The following TIAM1 variants were observed in gnomAD, a reference collection of about 807,000 sequenced individuals.
TIAM1 encodes the protein TIAM Rac1 associated GEF 1, also known as rho guanine nucleotide exchange factor TIAM1.
In TIAM1, 65 loss-of-function variants were observed where a neutral mutation model predicts 163.5. The observed-to-expected ratio is 0.40, with a 90% CI of 0.33 to 0.49. The LOEUF (loss-of-function observed/expected upper bound fraction) is 0.49, where lower values mean the gene tolerates loss of function less well. TIAM1 is among the 20% of genes least tolerant of loss of function. TIAM1 has a pLI of 0.77. For synonymous variants in TIAM1, 833 were observed against 810.1 expected, an observed-to-expected ratio of 1.03 and a Z score of -0.48; for missense variants, 1,789 against 2,044.7, an observed-to-expected ratio of 0.87 and a Z score of 2.41.
intron 13 of TIAM1, among the ~76,000 whole-genome samples, chr21:31,188,603 C>CTTGG (rs1348540079): frequency 6.6e-6 from 1 of 152,190 alleles, no homozygotes; most frequent in East Asian, 1.9e-4. Context: ...GAGACAGGGT[C>CTTGG]TTGCTCTGTC....
intron 2 of TIAM1, among the ~76,000 whole-genome samples, chr21:31,336,239 G>C (rs867153746): frequency 1.3e-5 from 2 of 152,210 alleles, no homozygotes; most frequent in South Asian, 2.1e-4. Context: ...GACAAAAGAT[G>C]CTTGACATGT....
Position 31,283,537 on chromosome 21 carries a change from T to A in TIAM1, c.-188-6629A>T, listed in dbSNP as rs189677980. Among the ~76,000 whole-genome samples the A allele has an allele frequency of 5.6e-3, 842 of 151,260 alleles. 4 individuals are homozygous for A. Among genetic ancestry groups the A allele is most frequent in the African/African-American group, 0.019 (785 of 40,752 alleles). On this transcript the variant is annotated intron_variant, in intron 2 of 27. Coordinates refer to ENST00000541036, the MANE Select transcript of TIAM1 (RefSeq NM_001353694.2). Reference sequence around the variant, plus strand: ...TTTCTTTCTTTCTTTTCTTTCCCTTTTTTATTTATTTATTTATTTATTTTT... The same window carrying A: ...TTTCTTTCTTTCTTTTCTTTCCCTTATTTATTTATTTATTTATTTATTTTT...
chr21:31,478,717 T>G (rs1202327906), intron 1 of TIAM1, among the ~76,000 whole-genome samples: 2 of 152,186 alleles, frequency 1.3e-5, no homozygotes, highest in African/African-American at 4.8e-5. Flanking sequence ...ACCAAAACAA[T>G]GATCAATTAT....
At chr21:31,465,850 C>T (rs953097040) in intron 1 of TIAM1, among the ~76,000 whole-genome samples, 3 of 151,950 alleles carry the variant, frequency 2.0e-5, no homozygotes, top group African/African-American at 4.8e-5. Flanking sequence ...GGTTTACCGG[C>T]GTGAGCCACC....
At chr21:31,305,597 T>G (rs1454294983) in intron 2 of TIAM1, among the ~76,000 whole-genome samples, 1 of 152,168 alleles carries the variant, frequency 6.6e-6, no homozygotes. Flanking sequence ...CCTGGAAATT[T>G]TATCAACGGC....
At chr21:31,213,514 A>G in intron 9 of TIAM1, 42 bp from the exon 10 acceptor site, 1 of 1,577,628 alleles carries the variant, frequency 6.3e-7, no homozygotes, top group Non-Finnish European at 8.7e-7. Context: ...AATCTGGGCA[A>G]CAGGGCAAAC....
chr21:31,439,414 CGGGTAGCTGGGATTACA>C (rs1196057143), intron 2 of TIAM1, among the ~76,000 whole-genome samples: 1 of 152,178 alleles, frequency 6.6e-6, no homozygotes, highest in Admixed American at 6.5e-5. Context: ...CTCAGCCTCC[CGGGTAGCTGGGATTACA>C]GGCATGCACC....
intron 12 of TIAM1, among the ~76,000 whole-genome samples, chr21:31,198,327 G>A (rs965415994): frequency 6.6e-6 from 1 of 152,170 alleles, no homozygotes; most frequent in African/African-American, 2.4e-5. Context: ...GAATGCCAAG[G>A]AGTGTGGGGG....
Position 31,141,291 on chromosome 21 carries a change from T to G in TIAM1, c.3655+34A>C. 4 of 1,613,714 alleles carry G rather than the reference T, an allele frequency of 2.5e-6. No homozygotes were observed. The highest frequency in any genetic ancestry group is 3.4e-6 in the Non-Finnish European group (4 of 1,179,740). On this transcript the variant is annotated intron_variant, in intron 21 of 27. Transcript: ENST00000541036. The surrounding 1 kb of genome is among the most constrained non-coding windows in gnomAD (Gnocchi z 4.7). Reference sequence around the variant, plus strand: ...GCTATTTAGAGACCCTCATGGAGACTCAGGCCTGCCGGGGGTCCCAGGCCG... The same window carrying G: ...GCTATTTAGAGACCCTCATGGAGACGCAGGCCTGCCGGGGGTCCCAGGCCG...
chr21:31,335,463 G>T (rs925631481), intron 2 of TIAM1, among the ~76,000 whole-genome samples: 1 of 152,020 alleles, frequency 6.6e-6, no homozygotes, highest in African/African-American at 2.4e-5. Context: ...TTGTAATCCC[G>T]GGAGGCCAAG....
At chr21:31,210,342 G>A in intron 10 of TIAM1, 127 bp from the exon 11 acceptor site, 2 of 911,654 alleles carry the variant, frequency 2.2e-6, no homozygotes, top group Non-Finnish European at 3.3e-6. Context: ...AGGCAGTGGT[G>A]GGAGGCAGGG....
intron 2 of TIAM1, among the ~76,000 whole-genome samples, chr21:31,365,482 G>C (rs920436286): frequency 1.4e-5 from 2 of 147,630 alleles, no homozygotes; most frequent in African/African-American, 5.0e-5. Flanking sequence ...TCTGCCTCCC[G>C]GGTTCACGCC....
At chr21:31,198,633 C>A (rs1399731432) in intron 12 of TIAM1, among the ~76,000 whole-genome samples, 2 of 152,150 alleles carry the variant, frequency 1.3e-5, no homozygotes, top group African/African-American at 2.4e-5. Context: ...TTATCAGGAG[C>A]CTTACTTTTA....
intron 2 of TIAM1, among the ~76,000 whole-genome samples, chr21:31,396,768 T>C (rs1291803327): frequency 6.6e-6 from 1 of 151,758 alleles, no homozygotes; most frequent in Non-Finnish European, 1.5e-5. Flanking sequence ...TGGCTTCACA[T>C]GGTGAAACCC....
chr21:31,516,937 T>C (rs1282566697), intron 1 of TIAM1, among the ~76,000 whole-genome samples: 2 of 150,008 alleles, frequency 1.3e-5, no homozygotes, highest in Non-Finnish European at 1.5e-5. Context: ...GTAGTCCACC[T>C]ACTTGGGAGG....
intron 2 of TIAM1, among the ~76,000 whole-genome samples, chr21:31,383,194 C>T (rs111663808): frequency 1.8e-4 from 28 of 152,048 alleles, no homozygotes; most frequent in Non-Finnish European, 3.1e-4. Context: ...GAGCAGAGAT[C>T]GTGCCATTGC....
chr21:31,159,742 C>T (rs1211716831), intron 16 of TIAM1, among the ~76,000 whole-genome samples: 1 of 152,228 alleles, frequency 6.6e-6, no homozygotes, highest in African/African-American at 2.4e-5. Context: ...AATGACACAA[C>T]ATCTAATAGT....
At chr21:31,340,289 G>A (rs1036676393) in intron 1 of TIAM1, among the ~76,000 whole-genome samples, 1 of 151,830 alleles carries the variant, frequency 6.6e-6, no homozygotes, top group Admixed American at 6.6e-5. Flanking sequence ...AATGGCTCAG[G>A]GTTGGGCAAA....
intron 2 of TIAM1, among the ~76,000 whole-genome samples, chr21:31,382,012 T>C (rs2076787011): frequency 6.6e-6 from 1 of 152,184 alleles, no homozygotes; most frequent in African/African-American, 2.4e-5. Flanking sequence ...GCCCAGTTTG[T>C]GGTATTTCAC....
Sources: allele counts gnomAD v4.1 joint callset (sites outside exome capture counted in the v4.1 genomes callset), GRCh38; gene constraint gnomAD v4.1.1; non-coding constraint Gnocchi (gnomAD v3.1); transcripts MANE v1.5; gene names NCBI Gene and HGNC (gene_info 2026-07-23, HGNC 2026-07-21).